KCNH5: variants seen among roughly 807,000 people sequenced by gnomAD.
KCNH5 encodes potassium voltage-gated channel subfamily H member 5.
A neutral mutation model predicts 96.1 loss-of-function variants in KCNH5; 46 were observed. The observed-to-expected ratio is 0.48, with a 90% CI of 0.38 to 0.61. KCNH5 has a LOEUF of 0.61. KCNH5 is among the 20% of genes least tolerant of loss of function. The pLI is 0.00. For synonymous variants in KCNH5, 439 were observed against 449.8 expected (o/e 0.98, Z 0.30); for missense variants, 907 against 1,225.8 (o/e 0.74, Z 3.88).
chr14:62,743,180 G>A lies in KCNH5; in HGVS notation c.2020-34725C>T, dbSNP rs186640549. The stretch of plus-strand genomic sequence containing the variant: ...TACATGTATAAAGCGATGGTTTTCC[G>A]CTAAGACTCTAGTTTAGACTCACCT... On this transcript the variant is annotated intron_variant, in intron 10 of 10. Coordinates refer to ENST00000322893, the MANE Select transcript of KCNH5 (RefSeq NM_139318.5). Among the ~76,000 whole-genome samples, 229 of 152,244 alleles carry A rather than the reference G, an allele frequency of 1.5e-3. 2 individuals carry two copies. Among genetic ancestry groups the A allele is most frequent in the South Asian group, 2.5e-3 (12 of 4,818 alleles).
intron 7 of KCNH5, among the ~76,000 whole-genome samples, chr14:62,890,858 C>T (rs1437674012): frequency 6.7e-6 from 1 of 148,690 alleles, no homozygotes; most frequent in Non-Finnish European, 1.5e-5. Flanking sequence ...CTCTGAATAG[C>T]TATTATTAAA....
At chr14:63,041,104 T>C (rs1323593040) in intron 1 of KCNH5, among the ~76,000 whole-genome samples, 1 of 152,154 alleles carries the variant, frequency 6.6e-6, no homozygotes, top group Admixed American at 6.5e-5. Context: ...TAGCTTACTG[T>C]CACTCAAACT....
At chr14:62,938,914 C>T (rs377039200) in intron 7 of KCNH5, among the ~76,000 whole-genome samples, 9 of 152,154 alleles carry the variant, frequency 5.9e-5, no homozygotes, top group Non-Finnish European at 1.2e-4. Flanking sequence ...ATCTAATAAT[C>T]GAACAAGTAT....
chr14:62,799,156 A>T (rs1028329959), intron 9 of KCNH5, among the ~76,000 whole-genome samples: 5 of 152,222 alleles, frequency 3.3e-5, no homozygotes, highest in Non-Finnish European at 7.3e-5. Flanking sequence ...CTGTACACCA[A>T]ATAACACAGC....
At chr14:62,893,591 A>G (rs1009774048) in intron 7 of KCNH5, among the ~76,000 whole-genome samples, 1 of 152,138 alleles carries the variant, frequency 6.6e-6, no homozygotes, top group Non-Finnish European at 1.5e-5. Context: ...TCCTGCCTCC[A>G]CTAAAAATAC....
chr14:63,028,991 G>A (rs995914869), intron 1 of KCNH5, among the ~76,000 whole-genome samples: 4 of 152,078 alleles, frequency 2.6e-5, no homozygotes, highest in Non-Finnish European at 4.4e-5. Flanking sequence ...TATACTTGAA[G>A]TTTAAGTCCA....
At chr14:62,973,782 A>G (rs1164478420) in intron 6 of KCNH5, among the ~76,000 whole-genome samples, 2 of 152,194 alleles carry the variant, frequency 1.3e-5, no homozygotes, top group Non-Finnish European at 2.9e-5. Flanking sequence ...GTATTATTTT[A>G]AATTATCTAT....
At chr14:62,803,342 C>A (rs1000174528) in intron 8 of KCNH5, among the ~76,000 whole-genome samples, 6 of 152,106 alleles carry the variant, frequency 3.9e-5, no homozygotes, top group African/African-American at 1.4e-4. Flanking sequence ...TCAACAAAAG[C>A]ACCCTGGCAA....
At chr14:63,036,462 A>C (rs1020630165) in intron 1 of KCNH5, among the ~76,000 whole-genome samples, 2 of 152,024 alleles carry the variant, frequency 1.3e-5, no homozygotes, top group African/African-American at 2.4e-5. Context: ...AGAGTAAAAA[A>C]CAAAAATACT....
In KCNH5 at chr14:62,789,109, CACT is replaced by C. The variant is rs372873632; in HGVS notation, c.1823-9188_1823-9186del. ...CTCCCACCCTACTCCACATCCCCACCACTGTTTTATTCTCTATCTTTGTATATT... is the reference window on the plus strand; with the variant it reads ...CTCCCACCCTACTCCACATCCCCACCGTTTTATTCTCTATCTTTGTATATT... On this transcript the variant is annotated intron_variant, in intron 9 of 10. Transcript: ENST00000322893. Among the ~76,000 whole-genome samples the C allele has an allele frequency of 3.2e-4, 49 of 152,154 alleles. 1 individual carries two copies. The South Asian group carries it at 9.3e-3, about 29-fold the overall frequency.
rs183898144 is a variant in KCNH5 at position 62,862,516 on chromosome 14, C to T, written c.1370-12664G>A. Among the ~76,000 whole-genome samples, 274 of 152,298 alleles carry T rather than the reference C, an allele frequency of 1.8e-3. 1 individual carries two copies. The highest frequency in any genetic ancestry group is 3.2e-3 in the Non-Finnish European group (215 of 68,034). On this transcript the variant is annotated intron_variant, in intron 7 of 10. Transcript: ENST00000322893. Reference sequence around the variant, plus strand: ...CAAATCCCTTCGTGGTAAGACTTTACTGCTTCTCCCACTAAAAGATGGAAT... The same window carrying T: ...CAAATCCCTTCGTGGTAAGACTTTATTGCTTCTCCCACTAAAAGATGGAAT...
intron 4 of KCNH5, among the ~76,000 whole-genome samples, chr14:62,998,861 A>C (rs550735603): frequency 9.5e-4 from 144 of 152,294 alleles, no homozygotes; most frequent in Non-Finnish European, 1.4e-3. Flanking sequence ...TTTATGGCCC[A>C]GAATGTTATC....
intron 1 of KCNH5, among the ~76,000 whole-genome samples, chr14:63,025,069 G>T (rs1441885024): frequency 6.6e-6 from 1 of 152,104 alleles, no homozygotes; most frequent in Non-Finnish European, 1.5e-5. Flanking sequence ...GAGATGCAAG[G>T]ATTGTTCAAT....
Position 62,864,713 on chromosome 14 carries a change from G to A in KCNH5, c.1370-14861C>T, listed in dbSNP as rs548009029. Among the ~76,000 whole-genome samples the A allele has an allele frequency of 3.3e-5, 5 of 152,298 alleles. No homozygotes were observed. In the South Asian group the frequency reaches 1.0e-3, roughly 32 times the overall value. ...GCATATTAATTCTTCCTCTTGGAGAGTCCCAATTCACATTAGCATGTCACA... is the reference window on the plus strand; with the variant it reads ...GCATATTAATTCTTCCTCTTGGAGAATCCCAATTCACATTAGCATGTCACA... On this transcript the variant is annotated intron_variant, in intron 7 of 10. Transcript: ENST00000322893.
At position 62,707,710 on chromosome 14, in the gene KCNH5, T is replaced by C. The variant is rs768379844; in HGVS notation, c.2765A>G (p.Gln922Arg). 27 of 1,603,652 alleles carry C rather than the reference T, an allele frequency of 1.7e-5. No individual in the cohort carries two copies. The highest frequency in any genetic ancestry group is 2.2e-5 in the Non-Finnish European group (26 of 1,171,464). Residue 922 changes from glutamine (Q) to arginine (R), a missense_variant, in exon 11 of 11, where the codon CAG (glutamine) becomes CGG (arginine). Physicochemically the swap from Gln to Arg is conservative, Grantham distance 43. Around this residue, in one of 6 missense-constraint regions of KCNH5, gnomAD observed 362 missense variants for 394.4 expected, o/e 0.92. Transcript: ENST00000322893. Reference sequence around the variant, plus strand: ...GGCAGTCATTCTGCAGCTGAGCAGCTGGATGTCCTCTTTGAGTTCGTGTTT... The same window carrying C: ...GGCAGTCATTCTGCAGCTGAGCAGCCGGATGTCCTCTTTGAGTTCGTGTTT... Reference protein sequence around the residue: ...EVKHELKEDIQLLSCRMTALE... With the variant: ...EVKHELKEDIRLLSCRMTALE...
At chr14:62,989,875 G>A (rs1034488723) in intron 4 of KCNH5, among the ~76,000 whole-genome samples, 7 of 152,024 alleles carry the variant, frequency 4.6e-5, no homozygotes. Flanking sequence ...TGGTGAGGGC[G>A]TCTTTGGATG....
At chr14:62,857,589 A>G (rs1289146613) in intron 7 of KCNH5, among the ~76,000 whole-genome samples, 1 of 152,206 alleles carries the variant, frequency 6.6e-6, no homozygotes. Context: ...AAGAACTTGG[A>G]GTCTGATGTT....
chr14:62,850,982 TC>T (rs773415738), intron 7 of KCNH5, among the ~76,000 whole-genome samples: 4 of 152,206 alleles, frequency 2.6e-5, no homozygotes, highest in Non-Finnish European at 5.9e-5. Context: ...ATCAGCCAAA[TC>T]CCATTTGATG....
intron 1 of KCNH5, among the ~76,000 whole-genome samples, chr14:63,039,844 A>G (rs749041042): frequency 6.6e-6 from 1 of 151,670 alleles, no homozygotes; most frequent in Non-Finnish European, 1.5e-5. Flanking sequence ...AAGAGCACCA[A>G]CTAACTACAT....
Sources: allele counts gnomAD v4.1 joint callset (sites outside exome capture counted in the v4.1 genomes callset), GRCh38; gene constraint gnomAD v4.1.1; regional missense constraint gnomAD v4.1.1; transcripts MANE v1.5; gene names NCBI Gene and HGNC (gene_info 2026-07-23, HGNC 2026-07-21).